The following CBFB variants were observed in gnomAD, a reference collection of about 807,000 sequenced individuals.
CBFB encodes the protein core-binding factor subunit beta.
CBFB carries 9 observed loss-of-function variants against 30.4 expected under a neutral mutation model. The ratio of observed to expected loss-of-function variants is 0.30; its 90% CI spans 0.18 to 0.52. CBFB has a LOEUF of 0.52. Ranked by LOEUF, CBFB falls within the 20% of genes least tolerant of loss-of-function variation. The pLI is 0.97. For missense variants in CBFB, 170 were observed against 244.0 expected (o/e 0.70, Z 2.02); for synonymous variants, 94 against 84.0 (o/e 1.12, Z -0.65).
chr16:67,078,561 A>G (rs1474206859), intron 4 of CBFB, among the ~76,000 whole-genome samples: 1 of 152,214 alleles, frequency 6.6e-6, no homozygotes, highest in Non-Finnish European at 1.5e-5. Flanking sequence ...AAGAGAGTAA[A>G]GAAAAGATCA....
chr16:67,100,048 C>T lies in CBFB; in HGVS notation c.*1270C>T, dbSNP rs942816910. 4.2e-5 allele frequency: 9 copies of T among 211,852 alleles called. No individual in the cohort carries two copies. Among genetic ancestry groups the T allele is most frequent in the Non-Finnish European group, 8.6e-5 (9 of 104,492 alleles). The allele number at this position is 211,852 out of a possible 1,614,324, so 13.1% of individuals were successfully genotyped here. A position where few individuals can be genotyped will look rare whatever the true frequency, so the allele number is the denominator to read the frequency against. On this transcript the variant is annotated 3_prime_UTR_variant, in exon 6 of 6. Transcript: ENST00000412916. The stretch of plus-strand genomic sequence containing the variant: ...AATGTAAGAATATTTTTTAAATAGG[C>T]TTACTGTCAAATTGCAACTTTTTTT...
chr16:67,041,274 A>T (rs1019845536), intron 3 of CBFB, among the ~76,000 whole-genome samples: 1 of 152,090 alleles, frequency 6.6e-6, no homozygotes. Flanking sequence ...TATCTACGTT[A>T]GGTTTTGACA....
chr16:67,072,125 T>A (rs1258247364), intron 4 of CBFB, among the ~76,000 whole-genome samples: 1 of 152,240 alleles, frequency 6.6e-6, no homozygotes, highest in Non-Finnish European at 1.5e-5. Context: ...GTGACCATAT[T>A]ACTTATTGTA....
intron 3 of CBFB, among the ~76,000 whole-genome samples, chr16:67,062,399 C>G (rs1960937333): frequency 6.6e-6 from 1 of 151,082 alleles, no homozygotes; most frequent in African/African-American, 2.4e-5. Context: ...GAACTCCTGA[C>G]CTCAGGTGAT....
In CBFB at chr16:67,055,365, T is replaced by C. The variant is rs1254773607; in HGVS notation, c.283-11317T>C. Among the ~76,000 whole-genome samples, 138 of 130,736 alleles carry C rather than the reference T, an allele frequency of 1.1e-3. 1 individual carries two copies. The highest frequency in any genetic ancestry group is 4.0e-3 in the African/African-American group (133 of 33,506). The allele number at this position is 130,736 out of a possible 152,430, so 85.8% of individuals were successfully genotyped here. Reference sequence around the variant, plus strand: ...TGAATTCCAGACACTTTCTTTTTTTTTTTTTTTTTTTTTTTTTTTGAGACG... The same window carrying C: ...TGAATTCCAGACACTTTCTTTTTTTCTTTTTTTTTTTTTTTTTTTGAGACG... On this transcript the variant is annotated intron_variant, in intron 3 of 5. Transcript: ENST00000412916.
chr16:67,039,342 G>C (rs889880312), intron 3 of CBFB, among the ~76,000 whole-genome samples: 1 of 152,180 alleles, frequency 6.6e-6, no homozygotes, highest in Non-Finnish European at 1.5e-5. Context: ...TGGTATACCT[G>C]TATAGGGCAC....
intron 3 of CBFB, among the ~76,000 whole-genome samples, chr16:67,062,707 C>G (rs1395779910): frequency 6.6e-6 from 1 of 151,764 alleles, no homozygotes; most frequent in Non-Finnish European, 1.5e-5. Flanking sequence ...CAGGGAGAAT[C>G]ACTTGAACCC....
At chr16:67,041,456 AT>A (rs1567605865) in intron 3 of CBFB, among the ~76,000 whole-genome samples, 2 of 152,132 alleles carry the variant, frequency 1.3e-5, no homozygotes, top group African/African-American at 4.8e-5. Context: ...TGGATTAGAT[AT>A]GGCGTGTGAG....
At chr16:67,057,949 C>G (rs1004616357) in intron 3 of CBFB, among the ~76,000 whole-genome samples, 1 of 152,180 alleles carries the variant, frequency 6.6e-6, no homozygotes, top group Admixed American at 6.5e-5. Context: ...TACTCTTTCT[C>G]TAATTTCTCA....
chr16:67,042,680 A>G (rs1386258254), intron 3 of CBFB, among the ~76,000 whole-genome samples: 1 of 152,156 alleles, frequency 6.6e-6, no homozygotes, highest in Non-Finnish European at 1.5e-5. Flanking sequence ...AGGTGGCTTC[A>G]CTTCCTAGTC....
At chr16:67,098,685 C>T in intron 5 of CBFB, 25 bp from the exon 6 acceptor site, 2 of 1,490,220 alleles carry the variant, frequency 1.3e-6, no homozygotes, top group Non-Finnish European at 1.9e-6. Context: ...CTTTTTGACC[C>T]CAAATTATGA....
At chr16:67,088,296 A>T (rs1298368193) in intron 5 of CBFB, among the ~76,000 whole-genome samples, 1 of 152,044 alleles carries the variant, frequency 6.6e-6, no homozygotes, top group African/African-American at 2.4e-5. Context: ...CTTGCAGTTT[A>T]CCTTCTTTTT....
At chr16:67,050,552 T>C (rs574743093) in intron 3 of CBFB, among the ~76,000 whole-genome samples, 125 of 152,226 alleles carry the variant, frequency 8.2e-4, no homozygotes, top group African/African-American at 2.6e-3. Flanking sequence ...CTCAATGTTT[T>C]GGGAGACCAA....
rs1172887092 is a variant in CBFB at position 67,075,194 on chromosome 16, A to G, written c.400-7019A>G. 1.7e-4 allele frequency among the ~76,000 whole-genome samples: 3 copies of G among 17,928 alleles called. No homozygotes were observed. In the East Asian group the frequency reaches 7.8e-3, roughly 46 times the overall value. The allele number at this position is 17,928 out of a possible 152,430, so 11.8% of individuals were successfully genotyped here. A position where few individuals can be genotyped will look rare whatever the true frequency, so the allele number is the denominator to read the frequency against. On this transcript the variant is annotated intron_variant, in intron 4 of 5. Coordinates refer to ENST00000412916, the MANE Select transcript of CBFB (RefSeq NM_022845.3). Reference sequence around the variant, plus strand: ...AACAGAGCGAGATTCTATCTCAAAAAAAATGTGTGTGTGTGTGTGTGTGTG... The same window carrying G: ...AACAGAGCGAGATTCTATCTCAAAAGAAATGTGTGTGTGTGTGTGTGTGTG...
intron 3 of CBFB, among the ~76,000 whole-genome samples, chr16:67,050,104 CTTAT>C (rs1378282365): frequency 6.7e-6 from 1 of 150,250 alleles, no homozygotes; most frequent in South Asian, 2.1e-4. Context: ...CTTCCAAAGC[CTTAT>C]TTAGAGTTAT....
chr16:67,035,284 C>G (rs549942707), intron 2 of CBFB, among the ~76,000 whole-genome samples: 1 of 152,112 alleles, frequency 6.6e-6, no homozygotes, highest in Non-Finnish European at 1.5e-5. Context: ...AGGGTTTCAC[C>G]ATGTTGGCCA....
chr16:67,091,085 A>G (rs1277993714), intron 5 of CBFB, among the ~76,000 whole-genome samples: 1 of 152,216 alleles, frequency 6.6e-6, no homozygotes, highest in Non-Finnish European at 1.5e-5. Context: ...ATGGCAGTAG[A>G]TGAGAATGAA....
intron 2 of CBFB, chr16:67,036,336 G>A: frequency 3.8e-6 from 1 of 265,402 alleles, no homozygotes; most frequent in Non-Finnish European, 7.0e-6. Context: ...GAGATGGATA[G>A]TGGCTTCTGG....
intron 4 of CBFB, among the ~76,000 whole-genome samples, chr16:67,072,369 ATATT>A (rs1349717064): frequency 1.3e-5 from 2 of 152,164 alleles, no homozygotes; most frequent in African/African-American, 2.4e-5. Flanking sequence ...CTTAGTCTTG[ATATT>A]TATTCATGCA....
Sources: gnomAD v4.1 joint callset for allele counts (sites outside exome capture counted in the v4.1 genomes callset) on GRCh38, gnomAD v4.1.1 for gene constraint, MANE v1.5 for transcripts, NCBI Gene and HGNC (gene_info 2026-07-23, HGNC 2026-07-21) for gene names.